Variants in GLCCI1 observed in about 807,000 individuals in gnomAD.
GLCCI1 encodes glucocorticoid-induced transcript 1 protein.
GLCCI1 carries 24 observed loss-of-function variants against 52.2 expected under a neutral mutation model. That is an observed-to-expected ratio of 0.46 (90% CI 0.33 to 0.65). GLCCI1 has a LOEUF of 0.65. GLCCI1 is among the 30% of genes least tolerant of loss of function. The probability of loss-of-function intolerance (pLI) is 0.02; values close to 1 mark genes in which losing one functional copy is unlikely to be tolerated. For missense variants in GLCCI1, 704 were observed against 701.5 expected (o/e 1.00, Z -0.04); for synonymous variants, 310 against 276.5 (o/e 1.12, Z -1.20).
rs1451744257 is a variant in GLCCI1 at position 8,055,492 on chromosome 7, G to T, written c.756G>T (p.Lys252Asn). Residue 252 changes from lysine to asparagine, a missense_variant, in exon 4 of 8, where the codon AAG becomes AAT. Lys to Asn is a moderately conservative substitution (Grantham distance 94, BLOSUM62 0). This residue lies in a region of GLCCI1 where 547 missense variants were observed against 524.8 expected (regional missense o/e 1.04). Coordinates refer to ENST00000223145, the MANE Select transcript of GLCCI1 (RefSeq NM_138426.4). ...GTAAACAGAGTAGTCGTCACAGTAAGGAGAAAGATCGCCAGTCACCTCTTC... is the reference window on the plus strand; with the variant it reads ...GTAAACAGAGTAGTCGTCACAGTAATGAGAAAGATCGCCAGTCACCTCTTC... ...QRSKQSSRHS[K>N]EKDRQSPLHG... is the part of the protein sequence containing the mutation. The T allele has an allele frequency of 5.0e-6, 8 of 1,613,904 alleles. No individual in the cohort carries two copies. Among genetic ancestry groups the T allele is most frequent in the African/African-American group, 2.7e-5 (2 of 74,920 alleles).
rs895465121 is a variant in GLCCI1 at position 8,086,937 on chromosome 7, T to C, written c.*399T>C. On this transcript the variant is annotated 3_prime_UTR_variant, in exon 8 of 8. Transcript: ENST00000223145. This position sits in a 1 kb window ranked among gnomAD's most constrained non-coding sequence, Gnocchi z 4.4. Reference sequence around the variant, plus strand: ...CTGTAATTCAGGATTATGTTTACAATTGATCCAGGTGTTTGTTTCTAACTT... The same window carrying C: ...CTGTAATTCAGGATTATGTTTACAACTGATCCAGGTGTTTGTTTCTAACTT... The C allele has an allele frequency of 2.5e-5, 4 of 157,636 alleles. No homozygotes were observed. The highest frequency in any genetic ancestry group is 6.2e-5 in the Admixed American group (1 of 16,112). 9.8% of individuals were successfully genotyped at this position (157,636 alleles called of 1,614,324 possible). A position where few individuals can be genotyped will look rare whatever the true frequency, so the allele number is the denominator to read the frequency against.
In GLCCI1 at chr7:8,029,202, A is replaced by C. The variant is rs559399272; in HGVS notation, c.696+6633A>C. ...GATGAATATGGATGCAAAAATCCTCAACAAAATAACTAGCAAACCAAATTC... is the reference window on the plus strand; with the variant it reads ...GATGAATATGGATGCAAAAATCCTCCACAAAATAACTAGCAAACCAAATTC... On this transcript the variant is annotated intron_variant, in intron 3 of 7. Transcript: ENST00000223145. Among the ~76,000 whole-genome samples, 3 of 152,316 alleles carry C rather than the reference A, an allele frequency of 2.0e-5. No individual in the cohort carries two copies. In the South Asian group the frequency reaches 6.2e-4, roughly 32 times the overall value.
At chr7:8,081,194 C>A (rs971427190) in intron 6 of GLCCI1, among the ~76,000 whole-genome samples, 5 of 152,128 alleles carry the variant, frequency 3.3e-5, no homozygotes, top group Non-Finnish European at 7.4e-5. Flanking sequence ...CTTTACCCCC[C>A]ACCTCCCTAC....
At chr7:8,001,459 A>G (rs543539509) in intron 1 of GLCCI1, among the ~76,000 whole-genome samples, 11 of 152,252 alleles carry the variant, frequency 7.2e-5, no homozygotes, top group African/African-American at 2.2e-4. Flanking sequence ...AAAACAACAG[A>G]TGCTGGAGAG....
intron 3 of GLCCI1, chr7:8,024,683 A>T (rs1299869370): frequency 6.6e-6 from 1 of 152,256 alleles, no homozygotes; most frequent in Non-Finnish European, 1.5e-5. Context: ...GGAATGACTG[A>T]TTCAGTGAGA....
intron 3 of GLCCI1, among the ~76,000 whole-genome samples, chr7:8,040,785 C>A (rs1462759045): frequency 6.6e-6 from 1 of 152,198 alleles, no homozygotes; most frequent in African/African-American, 2.4e-5. Flanking sequence ...GAGACTTATA[C>A]ACAAATGTTT....
chr7:7,972,691 A>G (rs984241704), intron 1 of GLCCI1, among the ~76,000 whole-genome samples: 4 of 152,186 alleles, frequency 2.6e-5, no homozygotes, highest in Admixed American at 1.3e-4. Context: ...TAGAGAATTG[A>G]TATTCAGATT....
intron 3 of GLCCI1, among the ~76,000 whole-genome samples, chr7:8,032,215 G>A (rs1280815591): frequency 6.6e-6 from 1 of 151,942 alleles, no homozygotes; most frequent in Non-Finnish European, 1.5e-5. Flanking sequence ...ATTTTCAATT[G>A]AGTGAAAATG....
chr7:8,068,033 T>A (rs182637803), intron 5 of GLCCI1, among the ~76,000 whole-genome samples: 240 of 152,184 alleles, frequency 1.6e-3, no homozygotes, highest in Non-Finnish European at 2.8e-3. Flanking sequence ...CTCAGAGGCT[T>A]TGTTCATTCT....
chr7:8,045,464 G>T (rs189193401), intron 3 of GLCCI1, among the ~76,000 whole-genome samples: 1 of 152,204 alleles, frequency 6.6e-6, no homozygotes, highest in Non-Finnish European at 1.5e-5. Flanking sequence ...AGGACCTATT[G>T]TACAGAAACC....
chr7:8,006,349 G>A (rs533624022), intron 2 of GLCCI1, among the ~76,000 whole-genome samples: 1 of 152,290 alleles, frequency 6.6e-6, no homozygotes, highest in South Asian at 2.1e-4. Context: ...GCCAGAGTAG[G>A]AGACCCTACT....
intron 6 of GLCCI1, among the ~76,000 whole-genome samples, chr7:8,079,147 A>T (rs1378460769): frequency 6.6e-6 from 1 of 152,110 alleles, no homozygotes; most frequent in Non-Finnish European, 1.5e-5. Context: ...GTTTTTAAAG[A>T]TAAAAGGTAA....
intron 3 of GLCCI1, among the ~76,000 whole-genome samples, chr7:8,037,594 C>A (rs1270017040): frequency 6.6e-6 from 1 of 152,084 alleles, no homozygotes; most frequent in East Asian, 1.9e-4. Flanking sequence ...TTAAAAGATA[C>A]AGCTTGGCAG....
At chr7:7,973,523 A>G (rs1019543777) in intron 1 of GLCCI1, among the ~76,000 whole-genome samples, 4 of 152,066 alleles carry the variant, frequency 2.6e-5, no homozygotes, top group African/African-American at 9.7e-5. Context: ...CTGGATGGAG[A>G]ATACAGCTTA....
intron 1 of GLCCI1, among the ~76,000 whole-genome samples, chr7:7,999,605 T>G (rs1337130176): frequency 6.6e-6 from 1 of 151,888 alleles, no homozygotes; most frequent in Non-Finnish European, 1.5e-5. Flanking sequence ...AGCAATACCC[T>G]GTGTCTAAAA....
At chr7:8,058,223 T>C (rs1046565725) in intron 4 of GLCCI1, among the ~76,000 whole-genome samples, 7 of 152,162 alleles carry the variant, frequency 4.6e-5, no homozygotes, top group African/African-American at 1.7e-4. Context: ...AAAAGAAATA[T>C]GTAAACTATA....
At chr7:7,980,730 A>T in intron 1 of GLCCI1, 1 of 711,164 alleles carries the variant, frequency 1.4e-6, no homozygotes, top group South Asian at 1.6e-5. Context: ...TTATCACTAC[A>T]GGAGAAAATC....
chr7:8,024,781 A>T lies in GLCCI1; in HGVS notation c.696+2212A>T, dbSNP rs972511683. The T allele has an allele frequency of 3.9e-5, 6 of 152,366 alleles. 1 individual carries two copies. Among genetic ancestry groups the T allele is most frequent in the African/African-American group, 1.4e-4 (6 of 41,584 alleles). The allele number at this position is 152,366 out of a possible 1,614,324, so 9.4% of individuals were successfully genotyped here. A position where few individuals can be genotyped will look rare whatever the true frequency, so the allele number is the denominator to read the frequency against. The stretch of plus-strand genomic sequence containing the variant: ...TTTGAGTACTTTACCAAACAAACTG[A>T]GAAGCTTTATTCATGAAAACTAATG... On this transcript the variant is annotated intron_variant, in intron 3 of 7. Coordinates refer to ENST00000223145, the MANE Select transcript of GLCCI1 (RefSeq NM_138426.4).
chr7:8,048,502 CTT>C (rs1782184665), intron 3 of GLCCI1, among the ~76,000 whole-genome samples: 2 of 152,106 alleles, frequency 1.3e-5, no homozygotes, highest in African/African-American at 4.8e-5. Flanking sequence ...CTACCGCACT[CTT>C]TTCAGAGTGT....
Sources: gnomAD v4.1 joint callset for allele counts (sites outside exome capture counted in the v4.1 genomes callset) on GRCh38, gnomAD v4.1.1 for gene constraint, gnomAD v4.1.1 regional missense constraint, Gnocchi (gnomAD v3.1) non-coding constraint, MANE v1.5 for transcripts, NCBI Gene and HGNC (gene_info 2026-07-23, HGNC 2026-07-21) for gene names.